The following FAM133B variants were observed in gnomAD, a reference collection of about 807,000 sequenced individuals.
The protein encoded by FAM133B is family with sequence similarity 133 member B, also known as protein FAM133B.
Under a neutral mutation model 46.4 loss-of-function variants are expected in FAM133B, and 25 were observed. The observed-to-expected ratio is 0.54, with a 90% CI of 0.39 to 0.75. The LOEUF is 0.75. FAM133B is among the 30% of genes least tolerant of loss of function. The pLI is 0.00. For missense variants in FAM133B, 205 were observed against 277.6 expected (o/e 0.74, Z 1.86); for synonymous variants, 75 against 86.0 (o/e 0.87, Z 0.71).
chr7:92,587,975 T>TA (rs904578130), intron 1 of FAM133B, among the ~76,000 whole-genome samples: 25 of 148,316 alleles, frequency 1.7e-4, no homozygotes, highest in East Asian at 5.9e-4. Context: ...TAAAAATGCT[T>TA]AAAAAAAAAA....
chr7:92,588,610 G>A (rs1345930938), intron 1 of FAM133B, among the ~76,000 whole-genome samples: 1 of 152,210 alleles, frequency 6.6e-6, no homozygotes, highest in East Asian at 1.9e-4. Context: ...AAGTTTTTAA[G>A]ATGGTGAAAT....
chr7:92,567,362 C>T (rs902989092), intron 9 of FAM133B, among the ~76,000 whole-genome samples: 5 of 152,156 alleles, frequency 3.3e-5, no homozygotes, highest in African/African-American at 9.7e-5. Context: ...ACATTACATA[C>T]AAAACAATAT....
intron 1 of FAM133B, among the ~76,000 whole-genome samples, chr7:92,589,274 T>C (rs1795121825): frequency 6.6e-6 from 1 of 152,232 alleles, no homozygotes; most frequent in South Asian, 2.1e-4. Flanking sequence ...ATCTGATTCA[T>C]AACCTGAGTT....
intron 1 of FAM133B, among the ~76,000 whole-genome samples, chr7:92,586,961 T>C (rs977969154): frequency 6.6e-6 from 1 of 152,298 alleles, no homozygotes; most frequent in African/African-American, 2.4e-5. Context: ...GAGTGACCCC[T>C]AATGCAAACT....
rs779461130 is a variant in FAM133B, at chr7:92,575,806, T to C, written c.481A>G (p.Lys161Glu). 2 of 1,354,996 alleles carry C rather than the reference T, an allele frequency of 1.5e-6. No homozygotes were observed. The highest frequency in any genetic ancestry group is 2.4e-5 in the South Asian group (2 of 84,482). The allele number at this position is 1,354,996 out of a possible 1,614,324, so 83.9% of individuals were successfully genotyped here. A position where few individuals can be genotyped will look rare whatever the true frequency, so the allele number is the denominator to read the frequency against. ...ESDSKDSLKKKKKSKDGTEKE... is the reference protein window; with the variant it reads ...ESDSKDSLKKEKKSKDGTEKE... Reference sequence around the variant, plus strand: ...TCAGTTCCATCTTTTGACTTCTTTTTCTTTTTTAAACTATCCTAAACAAAG... The same window carrying C: ...TCAGTTCCATCTTTTGACTTCTTTTCCTTTTTTAAACTATCCTAAACAAAG... The change falls in exon 8 of 11, where the codon AAA becomes GAA. Residue 161 changes from lysine to glutamate, a missense_variant. Physicochemically the swap from Lys to Glu is moderately conservative, Grantham distance 56. Transcript: ENST00000445716.
At chr7:92,585,285 T>C (rs1795008321) in intron 1 of FAM133B, 10 of 765,680 alleles carry the variant, frequency 1.3e-5, no homozygotes, top group Non-Finnish European at 1.6e-5. Flanking sequence ...AATCTTTTTC[T>C]TGCTCAAATT....
In FAM133B at chr7:92,566,004, A is replaced by C; in HGVS notation, c.657+10T>G. 1 of 1,613,630 alleles carries C rather than the reference A, an allele frequency of 6.2e-7. No individual in the cohort carries two copies. Among genetic ancestry groups the C allele is most frequent in the Non-Finnish European group, 8.5e-7 (1 of 1,179,734 alleles). ...TTCTATTGTCTGTAAAAACGTTAAG[A>C]GATACTTGCTGTTGCTTTTTCTCGT... is the stretch of plus-strand genomic sequence containing the variant. On this transcript the variant is annotated intron_variant, in intron 10 of 10. Transcript: ENST00000445716.
chr7:92,577,909 C>T (rs1794750577), intron 5 of FAM133B, 192 bp from the exon 6 acceptor site: 8 of 645,002 alleles, frequency 1.2e-5, no homozygotes, highest in Admixed American at 6.2e-5. Flanking sequence ...ACATATGTGG[C>T]CATGGTCACC....
intron 7 of FAM133B, among the ~76,000 whole-genome samples, 189 bp downstream of exon 7, chr7:92,576,914 T>C (rs1480631867): frequency 6.6e-6 from 1 of 152,204 alleles, no homozygotes; most frequent in Non-Finnish European, 1.5e-5. Context: ...CATGGAGATA[T>C]ATATATATGA....
intron 8 of FAM133B, among the ~76,000 whole-genome samples, chr7:92,574,672 G>A (rs988464376): frequency 4.6e-5 from 7 of 151,912 alleles, no homozygotes; most frequent in Admixed American, 2.6e-4. Flanking sequence ...TTGGGAGGCC[G>A]AGGCGGGTGG....
rs367766159 is a variant in FAM133B, at chr7:92,590,312, G to A, written c.-21C>T. 3.7e-6 allele frequency: 6 copies of A among 1,613,798 alleles called. No homozygotes were observed. In the South Asian group the frequency reaches 6.6e-5, roughly 18 times the overall value. On this transcript the variant is annotated 5_prime_UTR_variant, in exon 1 of 11. Coordinates refer to ENST00000445716, the MANE Select transcript of FAM133B (RefSeq NM_152789.4). Reference sequence around the variant, plus strand: ...CCCATGGTGCTGGATCGAGCGCACAGTAGCACGCCGAGGGAAACCGGGCCG... The same window carrying A: ...CCCATGGTGCTGGATCGAGCGCACAATAGCACGCCGAGGGAAACCGGGCCG...
rs139473951 is a variant in FAM133B, at chr7:92,584,286, GT to G, written c.25-2684del. 1.9e-3 allele frequency among the ~76,000 whole-genome samples: 296 copies of G among 152,162 alleles called. 4 individuals are homozygous for G. Among genetic ancestry groups the G allele is most frequent in the African/African-American group, 6.9e-3 (288 of 41,504 alleles). On this transcript the variant is annotated intron_variant, in intron 1 of 10. Transcript: ENST00000445716. The stretch of plus-strand genomic sequence containing the variant: ...TTGAAAATGACTACCCTCAAGGTTG[GT>G]TTAAGGTGTTATACCTTGTAATAAT...
intron 1 of FAM133B, 114 bp downstream of exon 1, chr7:92,590,154 C>T: frequency 1.3e-6 from 2 of 1,537,932 alleles, no homozygotes; most frequent in East Asian, 2.3e-5. Context: ...GTCTCCAGGC[C>T]CCACGTCTGA....
chr7:92,577,810 G>A, intron 5 of FAM133B, 93 bp from the exon 6 acceptor site: 1 of 1,009,358 alleles, frequency 9.9e-7, no homozygotes, highest in Non-Finnish European at 1.5e-6. Context: ...TCAATCTAGT[G>A]TCTGAGAAAC....
chr7:92,568,235 T>C (rs1794422893), intron 9 of FAM133B, among the ~76,000 whole-genome samples: 1 of 152,116 alleles, frequency 6.6e-6, no homozygotes, highest in Admixed American at 6.5e-5. Flanking sequence ...ACCAAGCCTC[T>C]TGTGCAGGAT....
chr7:92,582,385 T>C (rs1301168864), intron 1 of FAM133B, among the ~76,000 whole-genome samples: 1 of 152,238 alleles, frequency 6.6e-6, no homozygotes, highest in East Asian at 1.9e-4. Flanking sequence ...ATTCATTGTT[T>C]ATTCAACTAC....
At position 92,575,764 on chromosome 7, in the gene FAM133B, T is replaced by C; in HGVS notation, c.516+7A>G. ...ACTATCTTAAGGCAATGTAAAAGTA[T>C]AGTTACCTTTTCTTTCTCAGTTCCA... On this transcript the variant is annotated splice_region_variant and intron_variant, in intron 8 of 10. Transcript: ENST00000445716. The C allele has an allele frequency of 1.5e-6, 2 of 1,358,574 alleles. No individual in the cohort carries two copies. Among genetic ancestry groups the C allele is most frequent in the Non-Finnish European group, 1.0e-6 (1 of 958,088 alleles). 84.2% of individuals were successfully genotyped at this position (1,358,574 alleles called of 1,614,324 possible).
chr7:92,590,104 G>C, intron 1 of FAM133B, 164 bp downstream of exon 1: 1 of 975,262 alleles, frequency 1.0e-6, no homozygotes, highest in Admixed American at 2.7e-5. Context: ...CCAACTGCGT[G>C]CGCGGCGCAC....
At chr7:92,588,835 C>T (rs1188793346) in intron 1 of FAM133B, among the ~76,000 whole-genome samples, 1 of 152,172 alleles carries the variant, frequency 6.6e-6, no homozygotes, top group East Asian at 1.9e-4. Flanking sequence ...CTTGGTCCCG[C>T]TCCTGCCATG....
Sources: gnomAD v4.1 joint callset for allele counts (sites outside exome capture counted in the v4.1 genomes callset) on GRCh38, gnomAD v4.1.1 for gene constraint, MANE v1.5 for transcripts, NCBI Gene and HGNC (gene_info 2026-07-23, HGNC 2026-07-21) for gene names.